The following BCAR1 variants were observed in gnomAD, a reference collection of about 807,000 sequenced individuals.
BCAR1 encodes the protein BCAR1 scaffold protein, Cas family member.
In BCAR1, 30 loss-of-function variants were observed where a neutral mutation model predicts 67.6. That is an observed-to-expected ratio of 0.44 (90% CI 0.33 to 0.60). The LOEUF (loss-of-function observed/expected upper bound fraction) is 0.60. Ranked by LOEUF, BCAR1 falls within the 20% of genes least tolerant of loss-of-function variation. The probability of loss-of-function intolerance (pLI) is 0.02; values close to 1 mark genes in which losing one functional copy is unlikely to be tolerated. For missense variants in BCAR1, 1,313 were observed against 1,222.3 expected (o/e 1.07, Z -1.11); for synonymous variants, 626 against 556.7 (o/e 1.12, Z -1.75).
rs1173680649 is a variant in BCAR1, at chr16:75,242,959, C to A, written c.144G>T (p.Leu48=). ...CAGGCACGATGCCCTGGCGCCCATG[C>A]AGCGAGCAGAGCCACCAGCCGTCCA... ...QGLDGWWLCS[L]HGRQGIVPGN... Residue 48 remains leucine, a synonymous_variant, in exon 2 of 7, where the codon CTG becomes CTT. Transcript: ENST00000162330. The A allele has an allele frequency of 3.1e-6, 5 of 1,613,176 alleles. No homozygotes were observed. In the African/African-American group the frequency reaches 6.7e-5, roughly 22 times the overall value.
chr16:75,234,418 C>T (rs140563247), intron 5 of BCAR1, among the ~76,000 whole-genome samples: 7 of 152,324 alleles, frequency 4.6e-5, no homozygotes, highest in African/African-American at 1.7e-4. Flanking sequence ...CCCAATCCCT[C>T]CCCCTTGGCC....
At chr16:75,237,495 T>C in intron 2 of BCAR1, 151 bp from the exon 3 acceptor site, 1 of 906,078 alleles carries the variant, frequency 1.1e-6, no homozygotes, top group East Asian at 3.3e-5. Flanking sequence ...TCTCACCCCC[T>C]CTGCACCATC....
At chr16:75,266,697 G>A in intron 1 of BCAR1, 1 of 1,374,514 alleles carries the variant, frequency 7.3e-7, no homozygotes, top group South Asian at 1.7e-5. Context: ...ATAGGCCCAG[G>A]CACTGAGATC....
intron 1 of BCAR1, chr16:75,266,454 C>G (rs1427664232): frequency 1.6e-5 from 5 of 312,564 alleles, no homozygotes; most frequent in Non-Finnish European, 2.9e-5. Flanking sequence ...ATCCTGTGTC[C>G]CTGTAACCCC....
rs1252080729 is a variant in BCAR1 at position 75,228,275 on chromosome 16, C to A, written c.*1236G>T. The A allele has an allele frequency of 1.3e-5, 2 of 152,362 alleles. No homozygotes were observed. Among genetic ancestry groups the A allele is most frequent in the Non-Finnish European group, 2.9e-5 (2 of 68,160 alleles). The allele number at this position is 152,362 out of a possible 1,614,324, so 9.4% of individuals were successfully genotyped here. ...TGAGGTGGGGGGACAGATGCTGTCA[C>A]GGGGACAACCTCTGTAGAGGTAAGA... On this transcript the variant is annotated 3_prime_UTR_variant, in exon 7 of 7. Coordinates refer to ENST00000162330, the MANE Select transcript of BCAR1 (RefSeq NM_014567.5).
intron 3 of BCAR1, 44 bp downstream of exon 3, chr16:75,237,139 G>T: frequency 6.7e-7 from 1 of 1,494,752 alleles, no homozygotes. Flanking sequence ...CAGAGGCACA[G>T]ACTTGCCGCC....
rs966557419 is a variant in BCAR1 at position 75,229,230 on chromosome 16, G to A, written c.*281C>T. 2.0e-5 allele frequency: 8 copies of A among 409,294 alleles called. No individual in the cohort carries two copies. The highest frequency in any genetic ancestry group is 3.5e-5 in the Non-Finnish European group (8 of 231,602). The allele number at this position is 409,294 out of a possible 1,614,324, so 25.4% of individuals were successfully genotyped here. A position where few individuals can be genotyped will look rare whatever the true frequency, so the allele number is the denominator to read the frequency against. ...GTGGCACGAGGTCCTGCAGGCTGCA[G>A]GACCCTCACACTCCAGCCCCGTCTG... On this transcript the variant is annotated 3_prime_UTR_variant, in exon 7 of 7. Transcript: ENST00000162330.
intron 1 of BCAR1, chr16:75,247,581 G>A (rs1382122095): frequency 1.2e-5 from 2 of 165,812 alleles, no homozygotes; most frequent in East Asian, 1.7e-4. Context: ...TGCTGTGGCT[G>A]TCCCCAAACT....
At chr16:75,239,597 C>T (rs2077266300) in intron 2 of BCAR1, among the ~76,000 whole-genome samples, 1 of 152,214 alleles carries the variant, frequency 6.6e-6, no homozygotes, top group South Asian at 2.1e-4. Flanking sequence ...TCGCCCCTGA[C>T]CTGGGTTGGC....
At chr16:75,253,041 G>A (rs1243388522), upstream of BCAR1, among the ~76,000 whole-genome samples, 2 of 152,242 alleles carry the variant, frequency 1.3e-5, no homozygotes, top group African/African-American at 4.8e-5. Context: ...GCAGTGGGAT[G>A]AGACAGAGCA....
At position 75,242,980 on chromosome 16, in the gene BCAR1, G is replaced by A. The variant is rs764053347; in HGVS notation, c.123C>T (p.Asp41=). 5.1e-5 allele frequency: 82 copies of A among 1,613,228 alleles called. No homozygotes were observed. The highest frequency in any genetic ancestry group is 1.5e-4 in the Admixed American group (9 of 59,974). The change falls in exon 2 of 7, where the codon GAC becomes GAT. Residue 41 remains aspartate (D), a synonymous_variant. Coordinates refer to ENST00000162330, the MANE Select transcript of BCAR1 (RefSeq NM_014567.5). ...CATGCAGCGAGCAGAGCCACCAGCC[G>A]TCCAGGCCCTGCGTGTCCTGCTCCA... ...TVLEQDTQGL[D]GWWLCSLHGR...
chr16:75,250,878 C>T lies in BCAR1; in HGVS notation c.12+593G>A, dbSNP rs1449047724. The T allele has an allele frequency of 7.1e-6, 7 of 985,414 alleles. 1 individual carries two copies. Among genetic ancestry groups the T allele is most frequent in the South Asian group, 4.7e-5 (1 of 21,308 alleles). The allele number at this position is 985,414 out of a possible 1,614,324, so 61.0% of individuals were successfully genotyped here. Reference sequence around the variant, plus strand: ...GCGCTCGGCGTGCGGGGCTGCAAAGCCCGCGGCGCGCCCGCCCCCACTCCC... The same window carrying T: ...GCGCTCGGCGTGCGGGGCTGCAAAGTCCGCGGCGCGCCCGCCCCCACTCCC... On this transcript the variant is annotated intron_variant, in intron 1 of 6. Coordinates refer to ENST00000162330, the MANE Select transcript of BCAR1 (RefSeq NM_014567.5).
rs756116123 is a variant in BCAR1, at chr16:75,229,705, C to T, written c.2419G>A (p.Asp807Asn). 6.2e-7 allele frequency: 1 copy of T among 1,612,980 alleles called. No homozygotes were observed. The highest frequency in any genetic ancestry group is 8.5e-7 in the Non-Finnish European group (1 of 1,179,902). ...DTLSRQAKAADVRSQVTHYSN... is the reference protein window; with the variant it reads ...DTLSRQAKAANVRSQVTHYSN... Reference sequence around the variant, plus strand: ...TAGTGGGTCACCTGGCTGCGCACGTCAGCAGCCTTGGCCTGCCGTGACAGT... The same window carrying T: ...TAGTGGGTCACCTGGCTGCGCACGTTAGCAGCCTTGGCCTGCCGTGACAGT... Residue 807 changes from aspartate to asparagine, a missense_variant, in exon 7 of 7, where the codon GAC becomes AAC. Asp to Asn is a conservative substitution (Grantham distance 23, BLOSUM62 1). This residue lies in a region of BCAR1 where 1,272 missense variants were observed against 1,137.5 expected (regional missense o/e 1.12). Coordinates refer to ENST00000162330, the MANE Select transcript of BCAR1 (RefSeq NM_014567.5).
intron 6 of BCAR1, among the ~76,000 whole-genome samples, chr16:75,232,834 C>T (rs535997377): frequency 1.4e-4 from 21 of 152,260 alleles, no homozygotes; most frequent in Admixed American, 1.2e-3. Context: ...TGCTGTGTGT[C>T]GTGGGTCTCA....
At chr16:75,237,122 G>T (rs772445980) in intron 3 of BCAR1, 61 bp downstream of exon 3, 42 of 1,501,816 alleles carry the variant, frequency 2.8e-5, no homozygotes, top group Middle Eastern at 4.1e-4. Flanking sequence ...CTCGGCCCAG[G>T]GCCAAGCAGA....
intron 5 of BCAR1, among the ~76,000 whole-genome samples, 163 bp downstream of exon 5, chr16:75,234,726 G>A (rs1336816408): frequency 6.6e-6 from 1 of 152,230 alleles, no homozygotes; most frequent in African/African-American, 2.4e-5. Flanking sequence ...CGATGACATG[G>A]CCACCCTAGC....
chr16:75,235,168 G>A lies in BCAR1; in HGVS notation c.1731C>T (p.Asp577=), dbSNP rs1435974879. The change falls in exon 5 of 7, where the codon GAC becomes GAT. Residue 577 remains aspartate, a synonymous_variant. Transcript: ENST00000162330. Reference sequence around the variant, plus strand: ...CAGCCCGCGAGCAGGCCACCAGCCGGTCCAGGTCCTCAAGGGTGGCTCCAG... The same window carrying A: ...CAGCCCGCGAGCAGGCCACCAGCCGATCCAGGTCCTCAAGGGTGGCTCCAG... ...GGSGATLEDL[D]RLVACSRAVP... The A allele has an allele frequency of 2.5e-6, 4 of 1,608,730 alleles. No individual in the cohort carries two copies. The highest frequency in any genetic ancestry group is 3.4e-6 in the Non-Finnish European group (4 of 1,179,846).
upstream of BCAR1, among the ~76,000 whole-genome samples, chr16:75,255,300 G>A (rs1033231938): frequency 4.6e-5 from 7 of 152,276 alleles, no homozygotes; most frequent in Non-Finnish European, 7.4e-5. Flanking sequence ...CTCTGGGAGC[G>A]GCAGCAGGAG....
intron 1 of BCAR1, among the ~76,000 whole-genome samples, chr16:75,259,618 G>A (rs909046807): frequency 3.3e-5 from 5 of 151,968 alleles, no homozygotes; most frequent in East Asian, 1.9e-4. Context: ...TTTGGGAGGC[G>A]AAAGCGGGCG....
Sources: gnomAD v4.1 joint callset for allele counts (sites outside exome capture counted in the v4.1 genomes callset) on GRCh38, gnomAD v4.1.1 for gene constraint, gnomAD v4.1.1 regional missense constraint, MANE v1.5 for transcripts, NCBI Gene and HGNC (gene_info 2026-07-23, HGNC 2026-07-21) for gene names.